GADL1: variants seen among roughly 807,000 people sequenced by gnomAD.
The protein encoded by GADL1 is acidic amino acid decarboxylase GADL1.
In GADL1, 71 loss-of-function variants were observed where a neutral mutation model predicts 69.5. That is an observed-to-expected ratio of 1.02 (90% confidence interval 0.84 to 1.25). GADL1 has a LOEUF of 1.25. Ranked by LOEUF, GADL1 falls within the 50% of genes most tolerant of loss-of-function variation. The pLI is 0.00. For missense variants in GADL1, 737 were observed against 631.8 expected, an observed-to-expected ratio of 1.17 and a Z score of -1.79; for synonymous variants, 254 against 214.4, an observed-to-expected ratio of 1.18 and a Z score of -1.62.
chr3:30,880,351 C>T (rs546796582), intron 1 of GADL1, among the ~76,000 whole-genome samples: 1 of 151,878 alleles, frequency 6.6e-6, no homozygotes, highest in Admixed American at 6.6e-5. Flanking sequence ...AACTGTAGTT[C>T]CCATAATCCC....
chr3:30,791,431 G>A (rs1313178014), intron 12 of GADL1, among the ~76,000 whole-genome samples: 1 of 152,086 alleles, frequency 6.6e-6, no homozygotes, highest in African/African-American at 2.4e-5. Context: ...GCCTTCCTGA[G>A]CCTGCCTCCA....
chr3:30,750,149 T>A (rs935785041), intron 14 of GADL1, among the ~76,000 whole-genome samples: 5 of 152,192 alleles, frequency 3.3e-5, no homozygotes, highest in African/African-American at 9.7e-5. Context: ...CCATATAATA[T>A]TCCTCTCACT....
chr3:30,837,849 T>C (rs893275938), intron 9 of GADL1, among the ~76,000 whole-genome samples: 2 of 152,138 alleles, frequency 1.3e-5, no homozygotes, highest in Admixed American at 1.3e-4. Context: ...CAGATACAAA[T>C]GCTAAAATCC....
At chr3:30,886,062 G>T (rs1698701965) in intron 1 of GADL1, among the ~76,000 whole-genome samples, 2 of 151,822 alleles carry the variant, frequency 1.3e-5, no homozygotes, top group South Asian at 4.2e-4. Flanking sequence ...TCAACAAAAG[G>T]CTTAAAATAT....
chr3:30,776,783 C>A (rs554411685), intron 14 of GADL1, among the ~76,000 whole-genome samples: 8 of 152,322 alleles, frequency 5.3e-5, no homozygotes, highest in South Asian at 4.1e-4. Context: ...GAAGGCAAGG[C>A]TCCCATGACC....
At chr3:30,873,455 G>T (rs191101603) in intron 1 of GADL1, among the ~76,000 whole-genome samples, 1 of 152,008 alleles carries the variant, frequency 6.6e-6, no homozygotes, top group African/African-American at 2.4e-5. Context: ...GATTCCAGAT[G>T]CCATGTTAAT....
At chr3:30,807,589 G>C (rs1030949317) in intron 11 of GADL1, among the ~76,000 whole-genome samples, 5 of 152,188 alleles carry the variant, frequency 3.3e-5, no homozygotes, top group African/African-American at 1.2e-4. Context: ...CCCAGGGTAG[G>C]GATGCTAGGT....
intron 8 of GADL1, among the ~76,000 whole-genome samples, chr3:30,843,282 G>A (rs1455685226): frequency 6.7e-6 from 1 of 148,522 alleles, no homozygotes; most frequent in Non-Finnish European, 1.5e-5. Context: ...TTGAGATGGA[G>A]TCTTACTCTG....
chr3:30,765,393 T>C (rs1415144608), intron 14 of GADL1, among the ~76,000 whole-genome samples: 1 of 152,236 alleles, frequency 6.6e-6, no homozygotes, highest in African/African-American at 2.4e-5. Context: ...CATGATGTCT[T>C]CAGGAAGCCA....
At chr3:30,796,583 T>C (rs1235343071) in intron 12 of GADL1, among the ~76,000 whole-genome samples, 2 of 152,154 alleles carry the variant, frequency 1.3e-5, no homozygotes, top group Non-Finnish European at 2.9e-5. Context: ...ACTTTATCTT[T>C]TTGATCTTAA....
intron 11 of GADL1, among the ~76,000 whole-genome samples, chr3:30,806,806 C>A (rs1697264536): frequency 2.0e-5 from 3 of 152,120 alleles, no homozygotes; most frequent in Non-Finnish European, 4.4e-5. Flanking sequence ...AGGAGGTGGG[C>A]CATAGCTGGA....
At chr3:30,849,218 A>ATG (rs1453426434) in intron 6 of GADL1, among the ~76,000 whole-genome samples, 1 of 152,124 alleles carries the variant, frequency 6.6e-6, no homozygotes, top group Non-Finnish European at 1.5e-5. Flanking sequence ...ACCCCTAGAC[A>ATG]TGGAAGGGGG....
chr3:30,776,449 C>T (rs1412855142), intron 14 of GADL1, among the ~76,000 whole-genome samples: 2 of 152,194 alleles, frequency 1.3e-5, no homozygotes, highest in Non-Finnish European at 2.9e-5. Context: ...TATTCTTAAG[C>T]ACTTTGCTAT....
intron 11 of GADL1, among the ~76,000 whole-genome samples, chr3:30,814,278 C>CT (rs1247441904): frequency 1.3e-5 from 2 of 152,206 alleles, no homozygotes; most frequent in South Asian, 2.1e-4. Context: ...CATTTACCCA[C>CT]TGAGAAATCA....
Position 30,857,159 on chromosome 3 carries a change from A to C in GADL1, c.211-18T>G. On this transcript the variant is annotated intron_variant, in intron 2 of 14. Coordinates refer to ENST00000282538, the MANE Select transcript of GADL1 (RefSeq NM_207359.3). The stretch of plus-strand genomic sequence containing the variant: ...TCACACACCTGGAGATTCAACCACA[A>C]CACAAATTGAGTATCCACCATAGCC... 1.3e-6 allele frequency: 2 copies of C among 1,548,546 alleles called. No individual in the cohort carries two copies. Among genetic ancestry groups the C allele is most frequent in the Non-Finnish European group, 1.7e-6 (2 of 1,144,650 alleles).
intron 12 of GADL1, chr3:30,799,849 T>C (rs962507882): frequency 9.2e-5 from 14 of 152,420 alleles, no homozygotes; most frequent in African/African-American, 3.4e-4. Context: ...AGGGGCAAAA[T>C]GCCGCCAGTC....
chr3:30,861,466 C>G (rs1472416516), intron 2 of GADL1, 127 bp downstream of exon 2: 2 of 670,976 alleles, frequency 3.0e-6, no homozygotes, highest in African/African-American at 1.8e-5. Flanking sequence ...TCTGGACATC[C>G]TTTTGAGACA....
At chr3:30,748,218 G>T (rs939791893) in intron 14 of GADL1, among the ~76,000 whole-genome samples, 2 of 152,122 alleles carry the variant, frequency 1.3e-5, no homozygotes, top group South Asian at 2.1e-4. Flanking sequence ...ATGAGGAAGC[G>T]CATGGACGTA....
At position 30,894,638 on chromosome 3, in the gene GADL1, C is replaced by T. The variant is rs1224909579; in HGVS notation, c.-24G>A. 1.3e-6 allele frequency: 2 copies of T among 1,548,682 alleles called. No homozygotes were observed. Among genetic ancestry groups the T allele is most frequent in the Admixed American group, 2.0e-5 (1 of 50,890 alleles). On this transcript the variant is annotated 5_prime_UTR_variant, in exon 1 of 15. Transcript: ENST00000282538. ...ATCTCCGCTCCCCCACTCCAGGCTG[C>T]CCCGGGCGCGGCTCCCGCAGTCTGG...
Sources: gnomAD v4.1 joint callset for allele counts (sites outside exome capture counted in the v4.1 genomes callset) on GRCh38, gnomAD v4.1.1 for gene constraint, MANE v1.5 for transcripts, NCBI Gene and HGNC (gene_info 2026-07-23, HGNC 2026-07-21) for gene names.